The following ALDH2 variants were observed in gnomAD, a reference collection of about 807,000 sequenced individuals.
ALDH2 encodes the protein aldehyde dehydrogenase, mitochondrial.
In ALDH2, 44 loss-of-function variants were observed where a neutral mutation model predicts 59.6. The ratio of observed to expected loss-of-function variants is 0.74; its 90% CI spans 0.58 to 0.95. The LOEUF (loss-of-function observed/expected upper bound fraction) is 0.95, where lower values mean the gene tolerates loss of function less well. Among genes scored for constraint, ALDH2 ranks in the 40% least tolerant of loss-of-function variants. The probability of loss-of-function intolerance (pLI) is 0.00; values close to 1 mark genes in which losing one functional copy is unlikely to be tolerated. For synonymous variants in ALDH2, 291 were observed against 284.0 expected (o/e 1.02, Z -0.25); for missense variants, 570 against 696.3 (o/e 0.82, Z 2.04).
rs756978401 is a variant in ALDH2, at chr12:111,792,717, G to A, written c.1018G>A (p.Val340Ile). The change falls in exon 9 of 13, where the codon GTT (valine) becomes ATT (isoleucine). Residue 340 changes from valine to isoleucine, a missense_variant. By Grantham distance (29) the Val-to-Ile change is conservative. Transcript: ENST00000261733. ...DIYDEFVERS[V>I]ARAKSRVVGN... ...CTATGATGAGTTTGTGGAGCGGAGC[G>A]TTGCCCGGGCCAAGTCTCGGGTGGT... 70 of 1,586,802 alleles carry A rather than the reference G, an allele frequency of 4.4e-5. No homozygotes were observed. In the Middle Eastern group the frequency reaches 5.0e-4, roughly 11 times the overall value.
intron 1 of ALDH2, among the ~76,000 whole-genome samples, chr12:111,776,536 G>A (rs917416651): frequency 6.6e-6 from 1 of 152,000 alleles, no homozygotes; most frequent in African/African-American, 2.4e-5. Flanking sequence ...CAAGGCAGGA[G>A]GATCACTTGA....
chr12:111,792,231 C>T (rs1354764065), intron 8 of ALDH2, 68 bp downstream of exon 8: 10 of 1,247,702 alleles, frequency 8.0e-6, no homozygotes, highest in African/African-American at 4.6e-5. Context: ...TGGCTCCAGC[C>T]GATCCTGTCG....
At chr12:111,785,984 G>A (rs2068305679) in intron 4 of ALDH2, among the ~76,000 whole-genome samples, 1 of 152,034 alleles carries the variant, frequency 6.6e-6, no homozygotes, top group Non-Finnish European at 1.5e-5. Context: ...TTTTATCTCT[G>A]TAAGATCTGT....
intron 6 of ALDH2, among the ~76,000 whole-genome samples, chr12:111,790,897 A>G (rs559920979): frequency 1.0e-3 from 156 of 152,250 alleles, no homozygotes; most frequent in African/African-American, 3.5e-3. Flanking sequence ...TCTACAAAAA[A>G]TTAAAAATCA....
At position 111,799,910 on chromosome 12, in the gene ALDH2, T is replaced by C. The variant is rs550022818; in HGVS notation, c.1253T>C (p.Phe418Ser). 1.2e-6 allele frequency: 2 copies of C among 1,613,382 alleles called. No homozygotes were observed. The highest frequency in any genetic ancestry group is 3.3e-5 in the Admixed American group (2 of 59,956). Residue 418 changes from phenylalanine to serine, a missense_variant, in exon 11 of 13, where the codon TTC (phenylalanine) becomes TCC (serine). By Grantham distance (155) the Phe-to-Ser change is radical. Transcript: ENST00000261733. ...DGMTIAKEEI[F>S]GPVMQILKFK... ...TACGCTGCTCTCTCACTCCAGATCT[T>C]CGGGCCAGTGATGCAGATCCTGAAG...
chr12:111,792,802 A>G lies in ALDH2; in HGVS notation c.1083+20A>G. ...CCGCAGGTGAGCCAGGCAGTGCCGC[A>G]GGGTCTGGGTGTCTAGAGCCAGCAT... On this transcript the variant is annotated intron_variant, in intron 9 of 12. Coordinates refer to ENST00000261733, the MANE Select transcript of ALDH2 (RefSeq NM_000690.4). 1 of 1,542,376 alleles carries G rather than the reference A, an allele frequency of 6.5e-7. No individual in the cohort carries two copies. Among genetic ancestry groups the G allele is most frequent in the Non-Finnish European group, 8.7e-7 (1 of 1,144,982 alleles).
At chr12:111,809,070 C>T (rs775689756) in intron 12 of ALDH2, among the ~76,000 whole-genome samples, 24 of 152,102 alleles carry the variant, frequency 1.6e-4, no homozygotes, top group Non-Finnish European at 3.1e-4. Flanking sequence ...GTGGAGAACA[C>T]ATCTAGGGAG....
intron 11 of ALDH2, among the ~76,000 whole-genome samples, chr12:111,802,138 C>T (rs1171174578): frequency 1.3e-5 from 2 of 151,808 alleles, no homozygotes; most frequent in African/African-American, 2.4e-5. Flanking sequence ...ACCTGTAAGG[C>T]CGTGGTGGTT....
intron 12 of ALDH2, 74 bp from the exon 13 acceptor site, chr12:111,809,469 C>A (rs2068520153): frequency 1.9e-6 from 3 of 1,545,252 alleles, no homozygotes; most frequent in Non-Finnish European, 2.7e-6. Context: ...CACACTTAGT[C>A]AGCTCCTAGC....
At chr12:111,785,039 G>A (rs894799092) in intron 3 of ALDH2, among the ~76,000 whole-genome samples, 2 of 151,648 alleles carry the variant, frequency 1.3e-5, no homozygotes, top group African/African-American at 4.8e-5. Flanking sequence ...AAATCACTGA[G>A]TGAGAAATTG....
intron 12 of ALDH2, among the ~76,000 whole-genome samples, chr12:111,804,865 A>G (rs922094752): frequency 6.6e-6 from 1 of 152,196 alleles, no homozygotes; most frequent in Admixed American, 6.5e-5. Context: ...TAGGCATGAG[A>G]TATCAAGGCC....
chr12:111,773,946 T>C (rs1593069360), intron 1 of ALDH2, among the ~76,000 whole-genome samples: 1 of 152,212 alleles, frequency 6.6e-6, no homozygotes, highest in Non-Finnish European at 1.5e-5. Flanking sequence ...CCAGTATTTC[T>C]ACTCAAAAGG....
intron 4 of ALDH2, among the ~76,000 whole-genome samples, chr12:111,788,921 C>T (rs2068332840): frequency 6.6e-6 from 1 of 152,048 alleles, no homozygotes; most frequent in Non-Finnish European, 1.5e-5. Context: ...GGGAGGATCA[C>T]TTGAGCCCAG....
At chr12:111,788,458 G>C (rs1351773234) in intron 4 of ALDH2, among the ~76,000 whole-genome samples, 1 of 152,222 alleles carries the variant, frequency 6.6e-6, no homozygotes, top group Non-Finnish European at 1.5e-5. Context: ...CAGTGCCAAG[G>C]CTGAAAAACT....
At chr12:111,806,223 G>A (rs188010264) in intron 12 of ALDH2, among the ~76,000 whole-genome samples, 15 of 146,588 alleles carry the variant, frequency 1.0e-4, no homozygotes, top group South Asian at 4.3e-4. Flanking sequence ...AGGCTGAGGC[G>A]GAAGAATGGC....
At chr12:111,772,147 A>G (rs564185867) in intron 1 of ALDH2, among the ~76,000 whole-genome samples, 156 of 152,238 alleles carry the variant, frequency 1.0e-3, no homozygotes, top group African/African-American at 3.5e-3. Flanking sequence ...CCATGAGCAG[A>G]TATTAAAAGA....
At chr12:111,783,561 G>T (rs2068289116) in intron 3 of ALDH2, among the ~76,000 whole-genome samples, 1 of 152,152 alleles carries the variant, frequency 6.6e-6, no homozygotes, top group Non-Finnish European at 1.5e-5. Context: ...CTAGGCTGGA[G>T]TGCAGTGGCG....
intron 10 of ALDH2, 182 bp from the exon 11 acceptor site, chr12:111,799,724 C>T (rs954276666): frequency 4.8e-5 from 30 of 627,958 alleles, no homozygotes; most frequent in Non-Finnish European, 6.6e-5. Flanking sequence ...GGAAGTTGGC[C>T]CCTGTTAGCT....
chr12:111,789,869 A>G lies in ALDH2; in HGVS notation c.487A>G (p.Ile163Val). 1.2e-6 allele frequency: 2 copies of G among 1,614,182 alleles called. No homozygotes were observed. The highest frequency in any genetic ancestry group is 1.7e-6 in the Non-Finnish European group (2 of 1,180,038). ...ADKYHGKTIP[I>V]DGDFFSYTRH... The stretch of plus-strand genomic sequence containing the variant: ...TAAGTACCACGGGAAAACCATCCCC[A>G]TTGACGGAGACTTCTTCAGCTACAC... The change falls in exon 5 of 13, where the codon ATT becomes GTT. Residue 163 changes from isoleucine to valine, a missense_variant. Coordinates refer to ENST00000261733, the MANE Select transcript of ALDH2 (RefSeq NM_000690.4).
Sources: allele counts gnomAD v4.1 joint callset (sites outside exome capture counted in the v4.1 genomes callset), GRCh38; gene constraint gnomAD v4.1.1; transcripts MANE v1.5; gene names NCBI Gene and HGNC (gene_info 2026-07-23, HGNC 2026-07-21).